The following NFIA variants were observed in gnomAD, a reference collection of about 807,000 sequenced individuals.
NFIA encodes nuclear factor 1 A-type.
A neutral mutation model predicts 62.8 loss-of-function variants in NFIA; 8 were observed. That is an observed-to-expected ratio of 0.13 (90% CI 0.07 to 0.23). The LOEUF (loss-of-function observed/expected upper bound fraction) is 0.23. Among genes scored for constraint, NFIA ranks in the 10% least tolerant of loss-of-function variants. The pLI is 1.00. For missense variants in NFIA, 410 were observed against 642.1 expected, an observed-to-expected ratio of 0.64 and a Z score of 3.91; for synonymous variants, 235 against 238.1, an observed-to-expected ratio of 0.99 and a Z score of 0.12.
chr1:61,436,779 C>G (rs1667348416), intron 10 of NFIA, among the ~76,000 whole-genome samples: 1 of 152,206 alleles, frequency 6.6e-6, no homozygotes, highest in Admixed American at 6.5e-5. Flanking sequence ...ACAGCACACA[C>G]CTCCCCCAAA....
In NFIA at chr1:61,429,771, G is replaced by A. The variant is rs145415266; in HGVS notation, c.1512+3215G>A. The stretch of plus-strand genomic sequence containing the variant: ...AGGAAATTCTGACATATGCCACAAC[G>A]TGGATGAATCTTGAAGACATTCTGC... On this transcript the variant is annotated intron_variant, in intron 10 of 10. Transcript: ENST00000403491. Among the ~76,000 whole-genome samples the A allele has an allele frequency of 6.3e-4, 96 of 152,320 alleles. No individual in the cohort carries two copies. The East Asian group carries it at 0.018, about 29-fold the overall frequency.
At chr1:61,455,182 C>T (rs541262376) in intron 10 of NFIA, 121 bp from the exon 11 acceptor site, 1 of 919,610 alleles carries the variant, frequency 1.1e-6, no homozygotes, top group African/African-American at 1.7e-5. Context: ...CTTTACTTTT[C>T]CCAGCGAATC....
At chr1:61,372,485 A>G (rs1268162532) in intron 6 of NFIA, among the ~76,000 whole-genome samples, 1 of 151,948 alleles carries the variant, frequency 6.6e-6, no homozygotes, top group Non-Finnish European at 1.5e-5. Flanking sequence ...TAACATAATT[A>G]GACAGACACC....
In NFIA at chr1:61,086,413, A is replaced by G. The variant is rs373576143; in HGVS notation, c.28-1736A>G. Among the ~76,000 whole-genome samples the G allele has an allele frequency of 4.0e-4, 61 of 152,296 alleles. No individual in the cohort carries two copies. In the South Asian group the frequency reaches 0.012, roughly 29 times the overall value. Reference sequence around the variant, plus strand: ...GTATGAGAATAAGAAATATTCTCAAACATCAGAAATTTTAAAAATGTTAAT... The same window carrying G: ...GTATGAGAATAAGAAATATTCTCAAGCATCAGAAATTTTAAAAATGTTAAT... On this transcript the variant is annotated intron_variant, in intron 1 of 10. Transcript: ENST00000403491.
chr1:61,441,366 T>C (rs1373546220), intron 10 of NFIA, among the ~76,000 whole-genome samples: 1 of 150,056 alleles, frequency 6.7e-6, no homozygotes, highest in African/African-American at 2.5e-5. Flanking sequence ...TAACCTGTGC[T>C]TCCGTCTATG....
intron 2 of NFIA, among the ~76,000 whole-genome samples, chr1:61,238,549 C>T (rs6669982): frequency 0.16 from 23,997 of 152,106 alleles, 3,693 homozygotes; most frequent in African/African-American, 0.39. Flanking sequence ...TGCCTTCCAC[C>T]GTACACTGCT....
intron 9 of NFIA, 34 bp from the exon 10 acceptor site, chr1:61,426,431 G>GCTTCCTGAA: frequency 6.9e-7 from 1 of 1,442,314 alleles, no homozygotes; most frequent in Non-Finnish European, 9.5e-7. Context: ...ATCTCGTGCC[G>GCTTCCTGAA]CTTCCTGAAC....
intron 2 of NFIA, among the ~76,000 whole-genome samples, chr1:61,160,996 C>T (rs1362710855): frequency 6.6e-6 from 1 of 152,212 alleles, no homozygotes; most frequent in African/African-American, 2.4e-5. Flanking sequence ...CTCACTGCAA[C>T]CTCTGCCTCC....
chr1:61,396,934 G>C (rs1050163517), intron 7 of NFIA, among the ~76,000 whole-genome samples: 2 of 152,008 alleles, frequency 1.3e-5, no homozygotes, highest in African/African-American at 4.8e-5. Flanking sequence ...CCCAGAAGGT[G>C]GAGGTTGCAG....
At chr1:61,086,612 A>T (rs1646223153) in intron 1 of NFIA, among the ~76,000 whole-genome samples, 1 of 152,160 alleles carries the variant, frequency 6.6e-6, no homozygotes, top group South Asian at 2.1e-4. Flanking sequence ...GAGAGGAAAA[A>T]AGTCAGTTAT....
intron 2 of NFIA, among the ~76,000 whole-genome samples, chr1:61,090,789 G>C (rs1040574488): frequency 1.3e-5 from 2 of 152,166 alleles, no homozygotes; most frequent in African/African-American, 4.8e-5. Context: ...TGGTTTTCAC[G>C]GGACCGCAGT....
Position 61,456,783 on chromosome 1 carries a change from C to T in NFIA, c.*1463C>T, listed in dbSNP as rs1668321222. 1 of 147,224 alleles carries T rather than the reference C, an allele frequency of 6.8e-6. No individual in the cohort carries two copies. Among genetic ancestry groups the T allele is most frequent in the African/African-American group, 2.6e-5 (1 of 39,186 alleles). 9.1% of individuals were successfully genotyped at this position (147,224 alleles called of 1,614,324 possible). ...AAAAAAAGTTTGCACCCCCAAACGT[C>T]CTGTATCTTATGAAAAAAAAAACAA... On this transcript the variant is annotated 3_prime_UTR_variant, in exon 11 of 11. Coordinates refer to ENST00000403491, the MANE Select transcript of NFIA (RefSeq NM_001134673.4).
intron 10 of NFIA, among the ~76,000 whole-genome samples, chr1:61,429,774 G>A (rs758408136): frequency 1.1e-4 from 16 of 152,294 alleles, no homozygotes; most frequent in Admixed American, 2.6e-4. Context: ...CCACAACGTG[G>A]ATGAATCTTG....
At chr1:61,328,061 T>G (rs1447553572) in intron 3 of NFIA, among the ~76,000 whole-genome samples, 1 of 152,096 alleles carries the variant, frequency 6.6e-6, no homozygotes, top group Non-Finnish European at 1.5e-5. Context: ...CTATCTTCTT[T>G]TGAAAAATGT....
chr1:61,265,668 T>C (rs1382146569), intron 2 of NFIA, among the ~76,000 whole-genome samples: 1 of 152,252 alleles, frequency 6.6e-6, no homozygotes, highest in African/African-American at 2.4e-5. Flanking sequence ...AAGGTATATC[T>C]AAAATACATA....
intron 5 of NFIA, among the ~76,000 whole-genome samples, chr1:61,358,627 A>G (rs1663110410): frequency 6.6e-6 from 1 of 152,082 alleles, no homozygotes; most frequent in African/African-American, 2.4e-5. Flanking sequence ...CTCAAGTGTG[A>G]TCAGCCTGCC....
chr1:61,410,535 G>A (rs538259285), intron 9 of NFIA, among the ~76,000 whole-genome samples: 155 of 152,194 alleles, frequency 1.0e-3, no homozygotes, highest in Non-Finnish European at 2.0e-3. Context: ...TCTCAAAAAT[G>A]TAAACTGTAT....
intron 9 of NFIA, among the ~76,000 whole-genome samples, chr1:61,415,794 A>C (rs1666321130): frequency 6.6e-6 from 1 of 152,156 alleles, no homozygotes; most frequent in African/African-American, 2.4e-5. Flanking sequence ...AAACATGTTT[A>C]CATTTTGTAC....
intron 2 of NFIA, among the ~76,000 whole-genome samples, chr1:61,156,972 A>G (rs949871724): frequency 1.4e-4 from 21 of 152,156 alleles, no homozygotes; most frequent in Admixed American, 1.4e-3. Flanking sequence ...AAGCTCTCCA[A>G]CTGTGGGGTA....
Sources: allele counts gnomAD v4.1 joint callset (sites outside exome capture counted in the v4.1 genomes callset), GRCh38; gene constraint gnomAD v4.1.1; transcripts MANE v1.5; gene names NCBI Gene and HGNC (gene_info 2026-07-23, HGNC 2026-07-21).